Variants in HACD2 observed in about 807,000 individuals in gnomAD.
The protein encoded by HACD2 is very-long-chain (3R)-3-hydroxyacyl-CoA dehydratase 2.
HACD2 carries 15 observed loss-of-function variants against 31.0 expected under a neutral mutation model. The ratio of observed to expected loss-of-function variants is 0.48; its 90% CI spans 0.32 to 0.75. The LOEUF is 0.75. Among genes scored for constraint, HACD2 ranks in the 30% least tolerant of loss-of-function variants. The probability of loss-of-function intolerance (pLI) is 0.03; values close to 1 mark genes in which losing one functional copy is unlikely to be tolerated. For synonymous variants in HACD2, 115 were observed against 122.2 expected, an observed-to-expected ratio of 0.94 and a Z score of 0.39; for missense variants, 283 against 313.0, an observed-to-expected ratio of 0.90 and a Z score of 0.72.
chr3:123,584,831 C>T (rs1212627197), intron 1 of HACD2, 42 bp downstream of exon 1: 1 of 1,442,566 alleles, frequency 6.9e-7, no homozygotes, highest in Non-Finnish European at 9.2e-7. Context: ...GGCTCCCTCC[C>T]CGGCCGCGCT....
intron 4 of HACD2, among the ~76,000 whole-genome samples, chr3:123,515,917 C>G (rs142350119): frequency 6.6e-6 from 1 of 151,906 alleles, no homozygotes; most frequent in Non-Finnish European, 1.5e-5. Context: ...CCACCATGCC[C>G]GGCTAAATTT....
intron 3 of HACD2, among the ~76,000 whole-genome samples, chr3:123,532,157 T>C (rs2056370382): frequency 6.6e-6 from 1 of 152,234 alleles, no homozygotes; most frequent in African/African-American, 2.4e-5. Context: ...AACAAAAAGC[T>C]GATCAATACT....
At chr3:123,533,104 A>G (rs1435464360) in intron 3 of HACD2, among the ~76,000 whole-genome samples, 1 of 152,178 alleles carries the variant, frequency 6.6e-6, no homozygotes, top group African/African-American at 2.4e-5. Flanking sequence ...TGTATGAGCT[A>G]CCACAAATCG....
chr3:123,541,817 G>A (rs2056493799), intron 3 of HACD2, among the ~76,000 whole-genome samples: 1 of 152,148 alleles, frequency 6.6e-6, no homozygotes, highest in African/African-American at 2.4e-5. Flanking sequence ...TGCAACCAAT[G>A]TTTGAAATGT....
intron 3 of HACD2, among the ~76,000 whole-genome samples, chr3:123,545,378 A>C (rs915825278): frequency 2.6e-5 from 4 of 151,656 alleles, no homozygotes; most frequent in Non-Finnish European, 5.9e-5. Context: ...GCTACTCAGG[A>C]GGCTGAGGTG....
In HACD2 at chr3:123,585,045, C is replaced by G. The variant is rs779322601; in HGVS notation, c.-18G>C. 7 of 1,463,608 alleles carry G rather than the reference C, an allele frequency of 4.8e-6. No homozygotes were observed. Among genetic ancestry groups the G allele is most frequent in the Admixed American group, 5.0e-5 (2 of 39,608 alleles). 90.7% of individuals were successfully genotyped at this position (1,463,608 alleles called of 1,614,324 possible). ...GCCGCCATGTCAAGTGCCCGAAGCCCGCTCTCCTAGCGCGAGCGGCTCGGG... is the reference window on the plus strand; with the variant it reads ...GCCGCCATGTCAAGTGCCCGAAGCCGGCTCTCCTAGCGCGAGCGGCTCGGG... On this transcript the variant is annotated 5_prime_UTR_variant, in exon 1 of 7. Transcript: ENST00000383657.
intron 4 of HACD2, among the ~76,000 whole-genome samples, chr3:123,508,219 C>T (rs1188198466): frequency 1.3e-5 from 2 of 152,110 alleles, no homozygotes; most frequent in Admixed American, 6.5e-5. Flanking sequence ...AATAGGGGAG[C>T]GGGTACCATG....
rs373004888 is a variant in HACD2, at chr3:123,541,055, G to A, written c.293-12581C>T. On this transcript the variant is annotated intron_variant, in intron 3 of 6. Transcript: ENST00000383657. Reference sequence around the variant, plus strand: ...GGAGGCCAAGGTGGGTGGATCACCTGAGGTTAGGAGTTCGAGACCAGCCTG... The same window carrying A: ...GGAGGCCAAGGTGGGTGGATCACCTAAGGTTAGGAGTTCGAGACCAGCCTG... Among the ~76,000 whole-genome samples, 781 of 152,294 alleles carry A rather than the reference G, an allele frequency of 5.1e-3. 7 individuals are homozygous for A. Among genetic ancestry groups the A allele is most frequent in the African/African-American group, 0.018 (752 of 41,566 alleles).
intron 2 of HACD2, among the ~76,000 whole-genome samples, chr3:123,579,952 C>T (rs1007331455): frequency 2.0e-5 from 3 of 151,946 alleles, no homozygotes; most frequent in Admixed American, 6.6e-5. Flanking sequence ...GAGGTGGATA[C>T]GAGAGAAAAG....
chr3:123,535,481 G>GTATTT (rs2056414153), intron 3 of HACD2, among the ~76,000 whole-genome samples: 1 of 152,128 alleles, frequency 6.6e-6, no homozygotes, highest in African/African-American at 2.4e-5. Context: ...AAAGCAATAG[G>GTATTT]TACAACTTAA....
chr3:123,492,171 A>G lies in HACD2; in HGVS notation c.*2717T>C, dbSNP rs967206831. On this transcript the variant is annotated 3_prime_UTR_variant, in exon 7 of 7. Coordinates refer to ENST00000383657, the MANE Select transcript of HACD2 (RefSeq NM_198402.5). ...AGCCCAACCTCAGCAAACAGAACGC[A>G]GCAAGATGTAGATTAGCAGTCTGTG... 2.0e-5 allele frequency: 3 copies of G among 152,266 alleles called. No homozygotes were observed. The highest frequency in any genetic ancestry group is 4.4e-5 in the Non-Finnish European group (3 of 68,046). 9.4% of individuals were successfully genotyped at this position (152,266 alleles called of 1,614,324 possible).
At position 123,582,278 on chromosome 3, in the gene HACD2, G is replaced by GAT; in HGVS notation, c.206_207insAT (p.Ser69ArgfsTer14). 6.2e-7 allele frequency: 1 copy of GAT among 1,609,454 alleles called. No individual in the cohort carries two copies. On this transcript the variant is annotated frameshift_variant, in exon 2 of 7. Transcript: ENST00000383657. LOFTEE classifies it high-confidence loss of function. ...CAATTGAATAATAAAGGCTATGGTAGCTACCCTTAGCCAGGTATGCTCGGA... is the reference window on the plus strand; with the variant it reads ...CAATTGAATAATAAAGGCTATGGTAGATCTACCCTTAGCCAGGTATGCTCGGA...
intron 3 of HACD2, among the ~76,000 whole-genome samples, chr3:123,553,184 A>G (rs2056638073): frequency 2.0e-5 from 3 of 152,220 alleles, no homozygotes; most frequent in Admixed American, 2.0e-4. Context: ...TAGACTTTAA[A>G]AAGTATGTAT....
intron 3 of HACD2, among the ~76,000 whole-genome samples, chr3:123,549,509 A>T (rs566888864): frequency 6.6e-6 from 1 of 152,298 alleles, no homozygotes; most frequent in African/African-American, 2.4e-5. Context: ...GCACTTTGGG[A>T]AGTCAGGGCA....
rs551020396 is a variant in HACD2, at chr3:123,532,657, G to A, written c.293-4183C>T. Among the ~76,000 whole-genome samples the A allele has an allele frequency of 4.3e-4, 65 of 152,074 alleles. No homozygotes were observed. In the South Asian group the frequency reaches 4.8e-3, roughly 11 times the overall value. On this transcript the variant is annotated intron_variant, in intron 3 of 6. Coordinates refer to ENST00000383657, the MANE Select transcript of HACD2 (RefSeq NM_198402.5). Reference sequence around the variant, plus strand: ...ACCAACCTGGCCCCTGGCCAACATGGTGAAACCCCGTCTCTACTAAATACA... The same window carrying A: ...ACCAACCTGGCCCCTGGCCAACATGATGAAACCCCGTCTCTACTAAATACA...
chr3:123,547,051 T>A (rs1274269270), intron 3 of HACD2, among the ~76,000 whole-genome samples: 1 of 152,152 alleles, frequency 6.6e-6, no homozygotes, highest in Non-Finnish European at 1.5e-5. Context: ...TTCATGAACA[T>A]CTTTTAAAAA....
chr3:123,570,273 A>T (rs1023751713), intron 2 of HACD2, among the ~76,000 whole-genome samples: 5 of 152,190 alleles, frequency 3.3e-5, no homozygotes, highest in Non-Finnish European at 7.3e-5. Flanking sequence ...ATTGATACAC[A>T]AAGAAGAAAT....
intron 4 of HACD2, among the ~76,000 whole-genome samples, chr3:123,516,789 G>A (rs2056143294): frequency 6.6e-6 from 1 of 152,146 alleles, no homozygotes; most frequent in Non-Finnish European, 1.5e-5. Context: ...ATGCTAAAAT[G>A]TTCCCATTAG....
intron 3 of HACD2, among the ~76,000 whole-genome samples, chr3:123,566,628 AC>A (rs1479827022): frequency 0.012 from 2 of 170 alleles, no homozygotes; most frequent in Non-Finnish European, 0.026. Flanking sequence ...AGGCGTGGTG[AC>A]TGCATGCCTG....
Sources: gnomAD v4.1 joint callset for allele counts (sites outside exome capture counted in the v4.1 genomes callset) on GRCh38, gnomAD v4.1.1 for gene constraint, MANE v1.5 for transcripts, NCBI Gene and HGNC (gene_info 2026-07-23, HGNC 2026-07-21) for gene names.